Variants in CACNA1D observed in about 807,000 individuals in gnomAD.
CACNA1D encodes the protein voltage-dependent L-type calcium channel subunit alpha-1D.
In CACNA1D, 55 loss-of-function variants were observed where a neutral mutation model predicts 257.1. The ratio of observed to expected loss-of-function variants is 0.21; its 90% confidence interval spans 0.17 to 0.27. CACNA1D has a LOEUF of 0.27. Ranked by LOEUF, CACNA1D falls within the 10% of genes least tolerant of loss-of-function variation. CACNA1D has a pLI of 1.00. For missense variants in CACNA1D, 1,876 were observed against 2,784.0 expected (o/e 0.67, Z 7.34); for synonymous variants, 980 against 1,014.9 (o/e 0.97, Z 0.65).
At chr3:53,681,158 T>C (rs2094426111) in intron 8 of CACNA1D, among the ~76,000 whole-genome samples, 1 of 152,228 alleles carries the variant, frequency 6.6e-6, no homozygotes, top group African/African-American at 2.4e-5. Flanking sequence ...ATACCATTTA[T>C]TAAAGAGATT....
chr3:53,589,671 G>A (rs2093274214), intron 3 of CACNA1D, among the ~76,000 whole-genome samples: 1 of 152,144 alleles, frequency 6.6e-6, no homozygotes, highest in South Asian at 2.1e-4. Flanking sequence ...GTGCAGTGGT[G>A]CAGTCATGGC....
chr3:53,505,961 G>A (rs1477591558), intron 3 of CACNA1D, among the ~76,000 whole-genome samples: 1 of 152,150 alleles, frequency 6.6e-6, no homozygotes, highest in African/African-American at 2.4e-5. Context: ...AGTGTTAACT[G>A]GGCTTAAAAA....
chr3:53,499,267 C>G (rs760769783), intron 2 of CACNA1D, among the ~76,000 whole-genome samples: 2 of 152,106 alleles, frequency 1.3e-5, no homozygotes, highest in African/African-American at 2.4e-5. Context: ...AGCCTGTTTA[C>G]AAATGGGACA....
chr3:53,786,944 G>A lies in CACNA1D; in HGVS notation c.4915G>A (p.Ala1639Thr). Residue 1639 changes from alanine (A) to threonine (T), a missense_variant, in exon 40 of 48, where the codon GCC becomes ACC. Physicochemically the swap from Ala to Thr is moderately conservative, Grantham distance 58 (BLOSUM62 0). Coordinates refer to ENST00000350061, the MANE Select transcript of CACNA1D (RefSeq NM_001128840.3). ...GTACCCTGCGAAGAACACCACAATT[G>A]CCCTACAGGTGAATTGTTGTCTCAT... The part of the protein sequence containing the change: ...GKYPAKNTTI[A>T]LQAGLRTLHD... The A allele has an allele frequency of 6.2e-7, 1 of 1,614,060 alleles. No homozygotes were observed. The highest frequency in any genetic ancestry group is 8.5e-7 in the Non-Finnish European group (1 of 1,179,922).
intron 19 of CACNA1D, among the ~76,000 whole-genome samples, chr3:53,733,989 T>C (rs1173884976): frequency 5.3e-5 from 7 of 133,094 alleles, no homozygotes; most frequent in African/African-American, 1.7e-4. Flanking sequence ...TATATATACA[T>C]ATACATATAC....
intron 3 of CACNA1D, among the ~76,000 whole-genome samples, chr3:53,590,265 G>C (rs913480271): frequency 1.3e-5 from 2 of 152,216 alleles, no homozygotes; most frequent in African/African-American, 4.8e-5. Flanking sequence ...CCTCTCCCCA[G>C]ATGGCTCCTC....
chr3:53,791,711 G>T, intron 40 of CACNA1D: 1 of 152,596 alleles, frequency 6.6e-6, no homozygotes, highest in Non-Finnish European at 1.5e-5. Flanking sequence ...CAACACCTCA[G>T]GTTCCATCTT....
intron 3 of CACNA1D, among the ~76,000 whole-genome samples, chr3:53,590,364 C>G (rs144732093): frequency 3.0e-4 from 45 of 152,202 alleles, no homozygotes; most frequent in Non-Finnish European, 4.9e-4. Context: ...TCAGGCTTGT[C>G]GTCCAGCCTA....
At position 53,730,539 on chromosome 3, in the gene CACNA1D, G is replaced by A. The variant is rs1229500116; in HGVS notation, c.2319G>A (p.Glu773=). The A allele has an allele frequency of 2.5e-6, 4 of 1,613,438 alleles. No individual in the cohort carries two copies. The highest frequency in any genetic ancestry group is 3.4e-6 in the Non-Finnish European group (4 of 1,179,428). ...AGAAAGAAGAAGCGGAAGAAAAGGAGAGGAAAAAGATTGCCAGGTAACCCT... is the reference window on the plus strand; with the variant it reads ...AGAAAGAAGAAGCGGAAGAAAAGGAAAGGAAAAAGATTGCCAGGTAACCCT... ...TAQKEEAEEK[E]RKKIARKESL... The change falls in exon 16 of 48, where the codon GAG becomes GAA. Residue 773 remains glutamate, a synonymous_variant. Coordinates refer to ENST00000350061, the MANE Select transcript of CACNA1D (RefSeq NM_001128840.3).
chr3:53,792,744 A>G (rs977103310), intron 40 of CACNA1D, among the ~76,000 whole-genome samples: 3 of 152,148 alleles, frequency 2.0e-5, no homozygotes, highest in Admixed American at 2.0e-4. Flanking sequence ...TCCCAGCCTC[A>G]GGGTCTTTTC....
At chr3:53,697,091 G>C (rs1450976320) in intron 8 of CACNA1D, among the ~76,000 whole-genome samples, 1 of 152,224 alleles carries the variant, frequency 6.6e-6, no homozygotes, top group Non-Finnish European at 1.5e-5. Flanking sequence ...TCCTTACTGA[G>C]TAATTGCTTC....
At chr3:53,517,064 T>C (rs986758935) in intron 3 of CACNA1D, among the ~76,000 whole-genome samples, 3 of 152,102 alleles carry the variant, frequency 2.0e-5, no homozygotes, top group Admixed American at 6.6e-5. Context: ...AAGCAGGAGG[T>C]AAAAATTTAA....
chr3:53,611,639 T>C (rs181397545), intron 3 of CACNA1D, among the ~76,000 whole-genome samples: 1 of 152,338 alleles, frequency 6.6e-6, no homozygotes, highest in Admixed American at 6.5e-5. Flanking sequence ...TTCGATTACA[T>C]GTATTAACCC....
chr3:53,754,915 A>C (rs1266346287), intron 29 of CACNA1D, among the ~76,000 whole-genome samples: 1 of 152,198 alleles, frequency 6.6e-6, no homozygotes, highest in African/African-American at 2.4e-5. Context: ...TCTTTATCAG[A>C]TCTTTGTGGA....
chr3:53,553,714 A>G (rs2092582029), intron 3 of CACNA1D, among the ~76,000 whole-genome samples: 2 of 152,222 alleles, frequency 1.3e-5, no homozygotes, highest in South Asian at 4.2e-4. Flanking sequence ...CACACGCCAG[A>G]CATAGGCTCC....
At chr3:53,674,022 T>A in intron 8 of CACNA1D, 2 of 639,666 alleles carry the variant, frequency 3.1e-6, no homozygotes, top group Non-Finnish European at 5.7e-6. Context: ...CAAACACTGT[T>A]AATTTAATGA....
intron 8 of CACNA1D, among the ~76,000 whole-genome samples, chr3:53,696,590 A>T (rs1414716353): frequency 6.6e-6 from 1 of 152,188 alleles, no homozygotes; most frequent in African/African-American, 2.4e-5. Flanking sequence ...CTGGTGAATT[A>T]GAGGCAGGCA....
intron 3 of CACNA1D, among the ~76,000 whole-genome samples, chr3:53,506,650 CT>C (rs1156243513): frequency 1.3e-5 from 2 of 152,162 alleles, no homozygotes; most frequent in Admixed American, 6.5e-5. Context: ...CAACAATTGG[CT>C]AATGATTAAT....
At chr3:53,710,540 T>C (rs537893463) in intron 9 of CACNA1D, 18 of 454,504 alleles carry the variant, frequency 4.0e-5, no homozygotes, top group Admixed American at 1.6e-4. Context: ...TCCTTGCACA[T>C]AGGCATTGTG....
Sources: gnomAD v4.1 joint callset for allele counts (sites outside exome capture counted in the v4.1 genomes callset) on GRCh38, gnomAD v4.1.1 for gene constraint, MANE v1.5 for transcripts, NCBI Gene and HGNC (gene_info 2026-07-23, HGNC 2026-07-21) for gene names.